Variants in RHBDL2 observed in about 807,000 individuals in gnomAD.
The protein encoded by RHBDL2 is rhomboid like 2.
A neutral mutation model predicts 31.7 loss-of-function variants in RHBDL2; 26 were observed. That is an observed-to-expected ratio of 0.82 (90% CI 0.60 to 1.14). The LOEUF is 1.14. Ranked by LOEUF, RHBDL2 falls within the 50% of genes most tolerant of loss-of-function variation. The pLI is 0.00. For missense variants in RHBDL2, 336 were observed against 364.4 expected (o/e 0.92, Z 0.63); for synonymous variants, 123 against 127.2 (o/e 0.97, Z 0.22).
chr1:38,921,421 C>T (rs1016706535), intron 1 of RHBDL2, among the ~76,000 whole-genome samples: 3 of 152,002 alleles, frequency 2.0e-5, no homozygotes, highest in Admixed American at 2.0e-4. Context: ...GTAGTAAACA[C>T]CCTATAATTA....
chr1:38,889,500 C>T (rs180753585), intron 6 of RHBDL2, among the ~76,000 whole-genome samples: 5 of 152,220 alleles, frequency 3.3e-5, no homozygotes, highest in African/African-American at 7.2e-5. Flanking sequence ...TTGTAGCAAT[C>T]GAAGTGAAGA....
At chr1:38,901,461 C>CAA (rs532037662) in intron 4 of RHBDL2, among the ~76,000 whole-genome samples, 15 of 51,844 alleles carry the variant, frequency 2.9e-4, no homozygotes, top group African/African-American at 5.8e-4. Context: ...GGCTCAGTCT[C>CAA]AAAAAAAAAA....
At chr1:38,928,088 T>C (rs1314503686) in intron 1 of RHBDL2, among the ~76,000 whole-genome samples, 3 of 151,994 alleles carry the variant, frequency 2.0e-5, no homozygotes, top group African/African-American at 7.2e-5. Context: ...CAAGATCCTG[T>C]CTCTGAAATA....
At chr1:38,893,940 CAG>C (rs1468887489) in intron 5 of RHBDL2, among the ~76,000 whole-genome samples, 1 of 152,100 alleles carries the variant, frequency 6.6e-6, no homozygotes, top group Admixed American at 6.6e-5. Flanking sequence ...CCTTATGCGT[CAG>C]TGGCGAACTG....
At chr1:38,931,620 AATGCTTATGTGATGTGTGC>A (rs1489101186) in intron 1 of RHBDL2, among the ~76,000 whole-genome samples, 1 of 152,036 alleles carries the variant, frequency 6.6e-6, no homozygotes, top group East Asian at 1.9e-4. Context: ...ACTACCAGTG[AATGCTTATGTGATGTGTGC>A]ATCCAGTGGT....
In RHBDL2 at chr1:38,934,091, T is replaced by C. The variant is rs1187206509; in HGVS notation, c.-126+7591A>G. 2.6e-5 allele frequency among the ~76,000 whole-genome samples: 4 copies of C among 152,132 alleles called. No homozygotes were observed. The East Asian group carries it at 5.8e-4, about 22-fold the overall frequency. ...TGTCAGGTGTGGTGGCTGACGCATA[T>C]AATCCCAGCACTTTGGGAAACTGAG... On this transcript the variant is annotated intron_variant, in intron 1 of 7. Transcript: ENST00000372990.
chr1:38,938,923 C>T (rs998966483), intron 1 of RHBDL2, among the ~76,000 whole-genome samples: 1 of 152,206 alleles, frequency 6.6e-6, no homozygotes, highest in African/African-American at 2.4e-5. Context: ...CCATGGAATG[C>T]ATCAGTAAAT....
intron 1 of RHBDL2, among the ~76,000 whole-genome samples, chr1:38,931,534 G>GAAAAGAA (rs146171310): frequency 4.0e-5 from 6 of 148,596 alleles, no homozygotes; most frequent in Non-Finnish European, 5.9e-5. Context: ...AAAAAAAAAA[G>GAAAAGAA]AAAAGAAAAA....
At chr1:38,919,513 C>A (rs1570934523) in intron 1 of RHBDL2, 176 bp from the exon 2 acceptor site, 6 of 341,990 alleles carry the variant, frequency 1.8e-5, no homozygotes, top group Non-Finnish European at 2.5e-5. Flanking sequence ...TAATTAAATT[C>A]TCCAAGCCTC....
intron 1 of RHBDL2, among the ~76,000 whole-genome samples, chr1:38,924,025 T>G (rs937209986): frequency 6.6e-6 from 1 of 152,098 alleles, no homozygotes; most frequent in African/African-American, 2.4e-5. Flanking sequence ...GTTCTAAGGA[T>G]TGGGGAGGGA....
chr1:38,924,592 T>TC (rs1474289490), intron 1 of RHBDL2, among the ~76,000 whole-genome samples: 1 of 150,762 alleles, frequency 6.6e-6, no homozygotes, highest in Non-Finnish European at 1.5e-5. Context: ...AGACTCCGTC[T>TC]CAAAAAAAAA....
At chr1:38,936,842 C>A (rs143564278) in intron 1 of RHBDL2, among the ~76,000 whole-genome samples, 1,674 of 152,188 alleles carry the variant, frequency 0.011, 29 homozygotes, top group African/African-American at 0.038. Flanking sequence ...CCATGTTGGC[C>A]AGGCTGGTCT....
intron 1 of RHBDL2, among the ~76,000 whole-genome samples, chr1:38,938,626 G>C (rs576021936): frequency 6.6e-6 from 1 of 151,926 alleles, no homozygotes; most frequent in South Asian, 2.1e-4. Context: ...TTAAGTTAAA[G>C]AAAAGAAAAG....
At chr1:38,926,156 T>A (rs1643372198) in intron 1 of RHBDL2, 1 of 1,081,548 alleles carries the variant, frequency 9.2e-7, no homozygotes, top group African/African-American at 1.7e-5. Flanking sequence ...GCTTGACCAA[T>A]CAGCTGCATT....
intron 1 of RHBDL2, among the ~76,000 whole-genome samples, chr1:38,941,396 A>C (rs1366184804): frequency 1.3e-5 from 2 of 152,130 alleles, no homozygotes; most frequent in Non-Finnish European, 2.9e-5. Flanking sequence ...AGGGCAGGGA[A>C]GAGGAATGGA....
chr1:38,895,133 C>G (rs1570914153), intron 5 of RHBDL2, among the ~76,000 whole-genome samples: 1 of 152,218 alleles, frequency 6.6e-6, no homozygotes, highest in East Asian at 1.9e-4. Flanking sequence ...CAGCTCTAAG[C>G]TGGGAGGATT....
chr1:38,921,535 A>G (rs967923023), intron 1 of RHBDL2, among the ~76,000 whole-genome samples: 18 of 152,194 alleles, frequency 1.2e-4, no homozygotes, highest in Non-Finnish European at 1.0e-4. Flanking sequence ...ACTGCATGTT[A>G]CTGGGAATCA....
chr1:38,929,360 C>T (rs1643414637), intron 1 of RHBDL2: 1 of 1,276,264 alleles, frequency 7.8e-7, no homozygotes. Flanking sequence ...AAGGATTTGC[C>T]TCTTTGAGAA....
intron 3 of RHBDL2, among the ~76,000 whole-genome samples, chr1:38,912,758 C>T (rs1180649577): frequency 6.6e-6 from 1 of 151,476 alleles, no homozygotes; most frequent in East Asian, 1.9e-4. Context: ...GTGTTAGGCA[C>T]AGTGAAAATT....
Sources: allele counts gnomAD v4.1 joint callset (sites outside exome capture counted in the v4.1 genomes callset), GRCh38; gene constraint gnomAD v4.1.1; transcripts MANE v1.5; gene names NCBI Gene and HGNC (gene_info 2026-07-23, HGNC 2026-07-21).